Variants in OVCH1 observed in about 807,000 individuals in gnomAD.
OVCH1 encodes ovochymase-1.
Under a neutral mutation model 138.4 loss-of-function variants are expected in OVCH1, and 139 were observed. The ratio of observed to expected loss-of-function variants is 1.00; its 90% CI spans 0.87 to 1.16. The LOEUF (loss-of-function observed/expected upper bound fraction) is 1.16, where lower values mean the gene tolerates loss of function less well. Among genes scored for constraint, OVCH1 ranks in the 50% most tolerant of loss-of-function variants. OVCH1 has a pLI of 0.00. For missense variants in OVCH1, 1,367 were observed against 1,357.9 expected, an observed-to-expected ratio of 1.01 and a Z score of -0.11; for synonymous variants, 453 against 467.8, an observed-to-expected ratio of 0.97 and a Z score of 0.41.
At chr12:29,464,233 C>T (rs370975248) in intron 18 of OVCH1, among the ~76,000 whole-genome samples, 1 of 152,148 alleles carries the variant, frequency 6.6e-6, no homozygotes, top group African/African-American at 2.4e-5. Flanking sequence ...GACCAGATGA[C>T]CTGCAAAGCC....
intron 21 of OVCH1, 60 bp downstream of exon 21, chr12:29,454,781 C>A: frequency 7.0e-7 from 1 of 1,438,242 alleles, no homozygotes; most frequent in African/African-American, 1.4e-5. Flanking sequence ...GCTAGACAGA[C>A]AATGCTTCTT....
chr12:29,410,332 G>A (rs2135865769), downstream of OVCH1, among the ~76,000 whole-genome samples: 1 of 151,248 alleles, frequency 6.6e-6, no homozygotes, highest in Non-Finnish European at 1.5e-5. Flanking sequence ...ATTTTTATGT[G>A]TGAATTTGAT....
the OVCH1 span, among the ~76,000 whole-genome samples, chr12:29,405,619 A>G: frequency 1.4e-3 from 214 of 152,322 alleles, 1 homozygote; most frequent in Middle Eastern, 6.8e-3. Flanking sequence ...ATATTATTCT[A>G]CTTTAGCTTA....
At chr12:29,466,915 C>G (rs1320810873) in intron 16 of OVCH1, among the ~76,000 whole-genome samples, 1 of 152,108 alleles carries the variant, frequency 6.6e-6, no homozygotes, top group African/African-American at 2.4e-5. Flanking sequence ...TAAAGTTACT[C>G]AAATTATTTT....
intron 6 of OVCH1, among the ~76,000 whole-genome samples, chr12:29,488,110 C>A (rs1050663371): frequency 6.6e-6 from 1 of 152,012 alleles, no homozygotes; most frequent in Admixed American, 6.6e-5. Flanking sequence ...CTATTGGCTG[C>A]AATCTTGTCA....
At chr12:29,495,715 A>G (rs1943397694) in intron 3 of OVCH1, among the ~76,000 whole-genome samples, 1 of 152,194 alleles carries the variant, frequency 6.6e-6, no homozygotes, top group African/African-American at 2.4e-5. Flanking sequence ...TATACAAACC[A>G]TAGTTCACAC....
chr12:29,454,840 C>T lies in OVCH1; in HGVS notation c.2530+1G>A, dbSNP rs781688646. On this transcript the variant is annotated splice_donor_variant, in intron 21 of 27. Coordinates refer to ENST00000318184, the Ensembl canonical transcript of OVCH1. LOFTEE classifies it high-confidence loss of function. Reference sequence around the variant, plus strand: ...AATGGGATAATGTAAACATTTATTACCTGGCCAAGATGCACTGTCTGGTGA... The same window carrying T: ...AATGGGATAATGTAAACATTTATTATCTGGCCAAGATGCACTGTCTGGTGA... 23 of 1,602,420 alleles carry T rather than the reference C, an allele frequency of 1.4e-5. No individual in the cohort carries two copies. The highest frequency in any genetic ancestry group is 6.6e-5 in the South Asian group (6 of 90,470).
At chr12:29,449,026 G>C (rs1941697467) in intron 22 of OVCH1, among the ~76,000 whole-genome samples, 1 of 152,050 alleles carries the variant, frequency 6.6e-6, no homozygotes, top group Admixed American at 6.6e-5. Context: ...TTGTTCTGTT[G>C]AACAAAAAGA....
At chr12:29,423,222 A>G (rs1389514463), downstream of OVCH1, 2 of 455,842 alleles carry the variant, frequency 4.4e-6, no homozygotes, top group East Asian at 6.9e-5. Flanking sequence ...TCTCAGACTC[A>G]TCAGTCTTAA....
chr12:29,464,547 C>G (rs758786022), exon 18 of OVCH1: 2 of 1,613,486 alleles, frequency 1.2e-6, no homozygotes, highest in Admixed American at 3.3e-5. Flanking sequence ...CACAGATCTC[C>G]GAGGAAAATA....
At chr12:29,408,519 G>A (rs28868335), downstream of OVCH1, among the ~76,000 whole-genome samples, 27,828 of 108,924 alleles carry the variant, frequency 0.26, 3,472 homozygotes, top group Admixed American at 0.42. Context: ...TAGCATGAAG[G>A]GTTGTTGAAT....
the OVCH1 span, among the ~76,000 whole-genome samples, chr12:29,403,778 C>A: frequency 6.6e-6 from 1 of 152,212 alleles, no homozygotes; most frequent in East Asian, 1.9e-4. Flanking sequence ...GTGCTCACAG[C>A]AGTTTCTGGC....
At chr12:29,467,045 A>T (rs1432246924) in intron 16 of OVCH1, among the ~76,000 whole-genome samples, 1 of 152,132 alleles carries the variant, frequency 6.6e-6, no homozygotes, top group Non-Finnish European at 1.5e-5. Flanking sequence ...GTGTTTCAAT[A>T]TGCCTTTATT....
exon 16 of OVCH1, chr12:29,471,932 C>A (rs768768201): frequency 6.2e-7 from 1 of 1,613,214 alleles, no homozygotes; most frequent in Non-Finnish European, 8.5e-7. Context: ...TCCCCTCCTG[C>A]GATTCTTCTG....
intron 3 of OVCH1, among the ~76,000 whole-genome samples, chr12:29,419,673 A>G (rs918925542): frequency 6.6e-6 from 1 of 152,162 alleles, no homozygotes; most frequent in Non-Finnish European, 1.5e-5. Flanking sequence ...AATAGATGTT[A>G]TACACTTATA....
intron 16 of OVCH1, among the ~76,000 whole-genome samples, chr12:29,465,458 A>G (rs1302832065): frequency 6.6e-6 from 1 of 152,198 alleles, no homozygotes; most frequent in Non-Finnish European, 1.5e-5. Context: ...ACAGCAAAGC[A>G]GAAGAGAGAG....
intron 24 of OVCH1, 105 bp from the exon 25 acceptor site, chr12:29,443,605 C>T: frequency 8.7e-7 from 1 of 1,155,188 alleles, no homozygotes; most frequent in South Asian, 2.1e-5. Flanking sequence ...CCCCAGTGAG[C>T]CTTATTTTTT....
chr12:29,488,010 G>A lies in OVCH1; in HGVS notation c.703-128C>T, dbSNP rs188769358. On this transcript the variant is annotated intron_variant, in intron 6 of 27. Coordinates refer to ENST00000318184, the Ensembl canonical transcript of OVCH1. ...GAGGCAAAGAAGTCCACTAGTCATC[G>A]TCCATCAGCTTTTTGTTTATCCATT... 1.6e-3 allele frequency: 1,296 copies of A among 835,106 alleles called. 9 individuals carry two copies. Among genetic ancestry groups the A allele is most frequent in the South Asian group, 0.01 (463 of 45,414 alleles). 51.7% of individuals were successfully genotyped at this position (835,106 alleles called of 1,614,324 possible).
chr12:29,483,389 C>T (rs1196215575), intron 8 of OVCH1, among the ~76,000 whole-genome samples: 1 of 152,190 alleles, frequency 6.6e-6, no homozygotes, highest in East Asian at 1.9e-4. Context: ...CAGTTTAGAC[C>T]ATTAAGCGTT....
Sources: gnomAD v4.1 joint callset for allele counts (sites outside exome capture counted in the v4.1 genomes callset) on GRCh38, gnomAD v4.1.1 for gene constraint, MANE v1.5 for transcripts, NCBI Gene and HGNC (gene_info 2026-07-23, HGNC 2026-07-21) for gene names.